Variants in SNX29 observed in about 807,000 individuals in gnomAD.
SNX29 encodes sorting nexin-29.
In SNX29, 78 loss-of-function variants were observed where a neutral mutation model predicts 102.1. That is an observed-to-expected ratio of 0.76 (90% CI 0.64 to 0.92). The LOEUF (loss-of-function observed/expected upper bound fraction) is 0.92, where lower values mean the gene tolerates loss of function less well. Among genes scored for constraint, SNX29 ranks in the 40% least tolerant of loss-of-function variants. SNX29 has a pLI of 0.00. For missense variants in SNX29, 1,280 were observed against 1,061.7 expected (o/e 1.21, Z -2.86); for synonymous variants, 580 against 414.5 (o/e 1.40, Z -4.85).
chr16:12,444,602 G>A (rs571899369), intron 18 of SNX29, among the ~76,000 whole-genome samples: 63 of 152,346 alleles, frequency 4.1e-4, no homozygotes, highest in African/African-American at 1.5e-3. Context: ...TTTGTGGCCT[G>A]TTTCTGGCAC....
At chr16:12,504,200 G>T (rs1377535463) in intron 19 of SNX29, among the ~76,000 whole-genome samples, 1 of 152,142 alleles carries the variant, frequency 6.6e-6, no homozygotes, top group Non-Finnish European at 1.5e-5. Flanking sequence ...ATTTTCAAGG[G>T]TCTGTCCTGT....
rs528162747 is a variant in SNX29, at chr16:12,570,284, G to T, written c.*1655G>T. 9.4e-7 allele frequency: 1 copy of T among 1,061,612 alleles called. No individual in the cohort carries two copies. Among genetic ancestry groups the T allele is most frequent in the South Asian group, 4.6e-5 (1 of 21,910 alleles). The allele number at this position is 1,061,612 out of a possible 1,614,324, so 65.8% of individuals were successfully genotyped here. On this transcript the variant is annotated 3_prime_UTR_variant, in exon 21 of 21. Coordinates refer to ENST00000566228, the MANE Select transcript of SNX29 (RefSeq NM_032167.5). ...TATGGAGGTGCGGACCCTGCAGTCA[G>T]TTTGCGAGTGTGGAGGACCCGAGAC...
intron 13 of SNX29, among the ~76,000 whole-genome samples, chr16:12,199,049 T>C (rs762756960): frequency 7.9e-5 from 12 of 152,172 alleles, no homozygotes; most frequent in Admixed American, 7.9e-4. Context: ...GTGGAGTTGG[T>C]CCAACTGCTT....
intron 13 of SNX29, among the ~76,000 whole-genome samples, chr16:12,133,879 C>G (rs1382574623): frequency 6.6e-6 from 1 of 152,188 alleles, no homozygotes; most frequent in Non-Finnish European, 1.5e-5. Context: ...GTGTGTTTCA[C>G]TGGCTCTGAG....
At chr16:12,150,003 G>C (rs1416744203) in intron 13 of SNX29, among the ~76,000 whole-genome samples, 1 of 152,176 alleles carries the variant, frequency 6.6e-6, no homozygotes, top group Non-Finnish European at 1.5e-5. Context: ...CTGGAGTCCA[G>C]AGTACGTTTG....
At chr16:12,263,027 A>G (rs2078825274) in intron 14 of SNX29, among the ~76,000 whole-genome samples, 1 of 152,188 alleles carries the variant, frequency 6.6e-6, no homozygotes, top group South Asian at 2.1e-4. Context: ...GGATCAGAGC[A>G]TGTAAAGTGC....
chr16:12,072,976 C>G (rs1033300852), intron 10 of SNX29, among the ~76,000 whole-genome samples: 1 of 152,272 alleles, frequency 6.6e-6, no homozygotes, highest in Admixed American at 6.5e-5. Flanking sequence ...GTAGTATACT[C>G]TGATGGTAGT....
chr16:12,544,291 T>C lies in SNX29; in HGVS notation c.2318+19450T>C, dbSNP rs562725912. Among the ~76,000 whole-genome samples, 4 of 152,274 alleles carry C rather than the reference T, an allele frequency of 2.6e-5. No individual in the cohort carries two copies. In the South Asian group the frequency reaches 8.3e-4, roughly 32 times the overall value. On this transcript the variant is annotated intron_variant, in intron 20 of 20. Coordinates refer to ENST00000566228, the MANE Select transcript of SNX29 (RefSeq NM_032167.5). Reference sequence around the variant, plus strand: ...AGGACTTTACACTCTCAGTACGGCATCCAGGCCACAGGGGAAGGTGGACCC... The same window carrying C: ...AGGACTTTACACTCTCAGTACGGCACCCAGGCCACAGGGGAAGGTGGACCC...
intron 13 of SNX29, among the ~76,000 whole-genome samples, chr16:12,182,345 G>A (rs1394726135): frequency 6.6e-6 from 1 of 152,128 alleles, no homozygotes; most frequent in Non-Finnish European, 1.5e-5. Flanking sequence ...ACAAAGGAAG[G>A]AAGCTGCCAG....
intron 20 of SNX29, among the ~76,000 whole-genome samples, chr16:12,536,042 A>G (rs992595042): frequency 2.0e-5 from 3 of 152,132 alleles, no homozygotes; most frequent in African/African-American, 7.2e-5. Flanking sequence ...TTGATTGCCC[A>G]TGAGCTGAGC....
At chr16:12,271,257 G>T (rs2079084692) in intron 14 of SNX29, among the ~76,000 whole-genome samples, 1 of 152,256 alleles carries the variant, frequency 6.6e-6, no homozygotes. Context: ...CATGGTGTCA[G>T]TTGGAGGCTG....
At chr16:12,169,794 G>A (rs1015550478) in intron 13 of SNX29, among the ~76,000 whole-genome samples, 3 of 152,054 alleles carry the variant, frequency 2.0e-5, no homozygotes, top group East Asian at 2.0e-4. Context: ...CCCCAGAGGC[G>A]GAGGTTGCAG....
intron 16 of SNX29, among the ~76,000 whole-genome samples, chr16:12,385,741 CAGAA>C (rs1384766589): frequency 2.6e-5 from 4 of 152,238 alleles, no homozygotes; most frequent in Non-Finnish European, 5.9e-5. Flanking sequence ...CATAGAGTGA[CAGAA>C]AGACCTGACG....
intron 8 of SNX29, chr16:12,052,436 C>G: frequency 2.1e-6 from 1 of 471,352 alleles, no homozygotes; most frequent in East Asian, 4.4e-5. Flanking sequence ...AGGCTGGTCT[C>G]AAACTCCTGA....
Position 12,573,375 on chromosome 16 carries a change from G to A in SNX29, c.*4746G>A, listed in dbSNP as rs78175785. ...TTCTAAATCCCAGCAACCAAGTTGCGTATCCTTCCTTATAGCTAGTTTCTA... is the reference window on the plus strand; with the variant it reads ...TTCTAAATCCCAGCAACCAAGTTGCATATCCTTCCTTATAGCTAGTTTCTA... On this transcript the variant is annotated 3_prime_UTR_variant, in exon 21 of 21. Transcript: ENST00000566228. 1,823 of 224,166 alleles carry A rather than the reference G, an allele frequency of 8.1e-3. 24 individuals are homozygous for A. The highest frequency in any genetic ancestry group is 0.038 in the African/African-American group (1,715 of 44,910). 13.9% of individuals were successfully genotyped at this position (224,166 alleles called of 1,614,324 possible). A position where few individuals can be genotyped will look rare whatever the true frequency, so the allele number is the denominator to read the frequency against.
chr16:12,088,479 A>G (rs1259332797), intron 11 of SNX29, among the ~76,000 whole-genome samples: 1 of 152,172 alleles, frequency 6.6e-6, no homozygotes, highest in Non-Finnish European at 1.5e-5. Context: ...TTTATATGGG[A>G]AGGCTTGGCT....
intron 11 of SNX29, chr16:12,086,782 A>G (rs1441264601): frequency 3.3e-5 from 5 of 152,174 alleles, no homozygotes; most frequent in Admixed American, 6.5e-5. Context: ...GTCATTTTTA[A>G]AAAACTTAAT....
At chr16:12,327,793 G>A (rs767711086) in intron 15 of SNX29, among the ~76,000 whole-genome samples, 2 of 152,082 alleles carry the variant, frequency 1.3e-5, no homozygotes, top group African/African-American at 4.8e-5. Flanking sequence ...AGGCAGGAAG[G>A]GTCCTAAATT....
At position 12,571,289 on chromosome 16, in the gene SNX29, T is replaced by A. The variant is rs140297867; in HGVS notation, c.*2660T>A. 4.4e-3 allele frequency: 1,009 copies of A among 231,544 alleles called. 7 individuals are homozygous for A. The highest frequency in any genetic ancestry group is 5.3e-3 in the Non-Finnish European group (623 of 117,016). The allele number at this position is 231,544 out of a possible 1,614,324, so 14.3% of individuals were successfully genotyped here. On this transcript the variant is annotated 3_prime_UTR_variant, in exon 21 of 21. Coordinates refer to ENST00000566228, the MANE Select transcript of SNX29 (RefSeq NM_032167.5). ...TTGTGGCTGAAACCTGGTGCCCAAATTCCACACCCTGGAAATGTGTCAACT... is the reference window on the plus strand; with the variant it reads ...TTGTGGCTGAAACCTGGTGCCCAAAATCCACACCCTGGAAATGTGTCAACT...
Sources: gnomAD v4.1 joint callset for allele counts (sites outside exome capture counted in the v4.1 genomes callset) on GRCh38, gnomAD v4.1.1 for gene constraint, MANE v1.5 for transcripts, NCBI Gene and HGNC (gene_info 2026-07-23, HGNC 2026-07-21) for gene names.